The following TMEM72 variants were observed in gnomAD, a reference collection of about 807,000 sequenced individuals.
The protein encoded by TMEM72 is transmembrane protein 72, also known as kidney-specific secretory protein of 37 kDa.
TMEM72 carries 9 observed loss-of-function variants against 16.3 expected under a neutral mutation model. That is an observed-to-expected ratio of 0.55 (90% CI 0.33 to 0.96). The LOEUF (loss-of-function observed/expected upper bound fraction) is 0.96. TMEM72 is among the 40% of genes least tolerant of loss of function. The probability of loss-of-function intolerance (pLI) is 0.03; values close to 1 mark genes in which losing one functional copy is unlikely to be tolerated. For synonymous variants in TMEM72, 160 were observed against 146.5 expected (o/e 1.09, Z -0.66); for missense variants, 324 against 337.8 (o/e 0.96, Z 0.32).
intron 2 of TMEM72, among the ~76,000 whole-genome samples, chr10:44,928,398 C>T (rs1263466638): frequency 6.6e-6 from 1 of 151,992 alleles, no homozygotes; most frequent in Non-Finnish European, 1.5e-5. Context: ...ACCTGCCCAT[C>T]CATCCATCTA....
intron 3 of TMEM72, 126 bp downstream of exon 3, chr10:44,932,195 CA>C: frequency 8.8e-7 from 1 of 1,139,710 alleles, no homozygotes; most frequent in South Asian, 1.4e-5. Flanking sequence ...AGGAGCCCCC[CA>C]CCGAGGTACA....
chr10:44,925,185 GT>G (rs1399226657), intron 1 of TMEM72, among the ~76,000 whole-genome samples: 3 of 152,160 alleles, frequency 2.0e-5, no homozygotes, highest in Non-Finnish European at 4.4e-5. Flanking sequence ...TCATTTCTCT[GT>G]TGCCATTTTT....
At chr10:44,911,676 C>T in intron 1 of TMEM72, 94 bp downstream of exon 1, 3 of 1,380,310 alleles carry the variant, frequency 2.2e-6, no homozygotes, top group Non-Finnish European at 3.0e-6. Context: ...ACAGCAGGCA[C>T]ATCTGGCCAC....
chr10:44,928,986 G>T (rs540527657), intron 2 of TMEM72, among the ~76,000 whole-genome samples: 1 of 152,344 alleles, frequency 6.6e-6, no homozygotes, highest in African/African-American at 2.4e-5. Context: ...GCCAAATACA[G>T]TTAAATGTCT....
In TMEM72 at chr10:44,919,058, C is replaced by T. The variant is rs12221140; in HGVS notation, c.70+7476C>T. Among the ~76,000 whole-genome samples the T allele has an allele frequency of 5.9e-3, 892 of 152,218 alleles. 23 individuals carry two copies. In the East Asian group the frequency reaches 0.081, roughly 14 times the overall value. On this transcript the variant is annotated intron_variant, in intron 1 of 4. Transcript: ENST00000389583. ...ATATTTAAAAACTAAAAAAGAAAAA[C>T]CATATTATCATCTAAATAGACACAA... is the stretch of plus-strand genomic sequence containing the variant.
intron 1 of TMEM72, among the ~76,000 whole-genome samples, chr10:44,925,476 G>C (rs1203247488): frequency 6.6e-6 from 1 of 152,190 alleles, no homozygotes; most frequent in African/African-American, 2.4e-5. Flanking sequence ...GCCTGGAGTC[G>C]AACACCCCTT....
chr10:44,920,796 C>A (rs1026925731), intron 1 of TMEM72, among the ~76,000 whole-genome samples: 1 of 152,200 alleles, frequency 6.6e-6, no homozygotes, highest in African/African-American at 2.4e-5. Context: ...TTATTTTCCC[C>A]ATTTTCCAGA....
chr10:44,931,887 G>A lies in TMEM72; in HGVS notation c.138-111G>A, dbSNP rs137858187. ...GAATGTTGTCTGGGGGAATCCAGGT[G>A]AGTCCATTGGCTGTAGATGTGATGT... On this transcript the variant is annotated intron_variant, in intron 2 of 4. Transcript: ENST00000389583. 1.4e-3 allele frequency: 1,449 copies of A among 1,047,358 alleles called. 3 individuals are homozygous for A. Among genetic ancestry groups the A allele is most frequent in the South Asian group, 1.7e-3 (116 of 69,482 alleles). 64.9% of individuals were successfully genotyped at this position (1,047,358 alleles called of 1,614,324 possible).
At chr10:44,932,639 G>A (rs1840319518) in intron 3 of TMEM72, among the ~76,000 whole-genome samples, 1 of 152,166 alleles carries the variant, frequency 6.6e-6, no homozygotes, top group South Asian at 2.1e-4. Context: ...CTAGACACTG[G>A]TCCCTGGGTG....
At chr10:44,918,886 A>C (rs1052347446) in intron 1 of TMEM72, among the ~76,000 whole-genome samples, 6 of 151,592 alleles carry the variant, frequency 4.0e-5, no homozygotes, top group Non-Finnish European at 8.8e-5. Flanking sequence ...GTTTTCTATA[A>C]GGAAGGGGTC....
Position 44,935,364 on chromosome 10 carries a change from C to T in TMEM72, c.*230C>T, listed in dbSNP as rs954738436. 15 of 474,714 alleles carry T rather than the reference C, an allele frequency of 3.2e-5. No individual in the cohort carries two copies. The highest frequency in any genetic ancestry group is 4.8e-5 in the Non-Finnish European group (13 of 270,094). 29.4% of individuals were successfully genotyped at this position (474,714 alleles called of 1,614,324 possible). A position where few individuals can be genotyped will look rare whatever the true frequency, so the allele number is the denominator to read the frequency against. Reference sequence around the variant, plus strand: ...ACCTCAAGCCAGCACAAGCTCCTTCCTCCTGGCCACAGGTGGGGAAACCCT... The same window carrying T: ...ACCTCAAGCCAGCACAAGCTCCTTCTTCCTGGCCACAGGTGGGGAAACCCT... On this transcript the variant is annotated 3_prime_UTR_variant, in exon 5 of 5. Transcript: ENST00000389583.
chr10:44,931,836 G>A (rs1007026728), intron 2 of TMEM72, 162 bp from the exon 3 acceptor site: 35 of 713,148 alleles, frequency 4.9e-5, no homozygotes, highest in Non-Finnish European at 6.7e-5. Context: ...TCCGGAACAC[G>A]CCATGTCCTG....
intron 1 of TMEM72, among the ~76,000 whole-genome samples, chr10:44,927,509 A>G (rs887716054): frequency 6.6e-6 from 1 of 152,202 alleles, no homozygotes; most frequent in African/African-American, 2.4e-5. Flanking sequence ...GCAACCAGTG[A>G]CCCAAGCAAG....
At position 44,933,544 on chromosome 10, in the gene TMEM72, C is replaced by A. The variant is rs1840340127; in HGVS notation, c.210-93C>A. 34 of 1,503,676 alleles carry A rather than the reference C, an allele frequency of 2.3e-5. 1 individual carries two copies. The South Asian group carries it at 4.3e-4, about 19-fold the overall frequency. The allele number at this position is 1,503,676 out of a possible 1,614,324, so 93.1% of individuals were successfully genotyped here. On this transcript the variant is annotated intron_variant, in intron 3 of 4. Transcript: ENST00000389583. The stretch of plus-strand genomic sequence containing the variant: ...CAGCCAGGGCCCACTGCAGAGCATG[C>A]CCACAGCAGGGCCTGGCCCAGACTC...
At chr10:44,924,461 C>T (rs1166552356) in intron 1 of TMEM72, among the ~76,000 whole-genome samples, 3 of 152,194 alleles carry the variant, frequency 2.0e-5, no homozygotes, top group Non-Finnish European at 4.4e-5. Flanking sequence ...GCCATGAGCC[C>T]AGTGCCTGGC....
In TMEM72 at chr10:44,911,510, A is replaced by G; in HGVS notation, c.-3A>G. ...CCAGGACTTTGTCCTCACCCCTGGC[A>G]CCATGCAGCTCCAGGTGTTCTGGAC... On this transcript the variant is annotated 5_prime_UTR_variant, in exon 1 of 5. Coordinates refer to ENST00000389583, the MANE Select transcript of TMEM72 (RefSeq NM_001123376.3). 2 of 1,550,768 alleles carry G rather than the reference A, an allele frequency of 1.3e-6. No homozygotes were observed. Among genetic ancestry groups the G allele is most frequent in the Middle Eastern group, 1.7e-4 (1 of 5,992 alleles).
chr10:44,926,781 T>C (rs1201895592), intron 1 of TMEM72, among the ~76,000 whole-genome samples: 1 of 152,004 alleles, frequency 6.6e-6, no homozygotes, highest in Non-Finnish European at 1.5e-5. Context: ...CATATCTCCA[T>C]GATCGCCCCT....
At chr10:44,911,885 G>A (rs4147126) in intron 1 of TMEM72, among the ~76,000 whole-genome samples, 1 of 152,010 alleles carries the variant, frequency 6.6e-6, no homozygotes, top group Non-Finnish European at 1.5e-5. Flanking sequence ...CCCCACCTAC[G>A]CAGAGAGTTG....
At chr10:44,928,857 TA>T (rs1840245572) in intron 2 of TMEM72, among the ~76,000 whole-genome samples, 1 of 152,138 alleles carries the variant, frequency 6.6e-6, no homozygotes, top group South Asian at 2.1e-4. Flanking sequence ...TACTCATCCA[TA>T]CACCCACCCA....
Sources: gnomAD v4.1 joint callset for allele counts (sites outside exome capture counted in the v4.1 genomes callset) on GRCh38, gnomAD v4.1.1 for gene constraint, MANE v1.5 for transcripts, NCBI Gene and HGNC (gene_info 2026-07-23, HGNC 2026-07-21) for gene names.